Variants in SUSD2 observed in about 807,000 individuals in gnomAD.
The protein encoded by SUSD2 is sushi domain-containing protein 2.
SUSD2 carries 86 observed loss-of-function variants against 93.8 expected under a neutral mutation model. The ratio of observed to expected loss-of-function variants is 0.92; its 90% CI spans 0.77 to 1.10. SUSD2 has a LOEUF of 1.10. Among genes scored for constraint, SUSD2 ranks in the 50% least tolerant of loss-of-function variants. The probability of loss-of-function intolerance (pLI) is 0.00; values close to 1 mark genes in which losing one functional copy is unlikely to be tolerated. For missense variants in SUSD2, 1,060 were observed against 1,137.0 expected (o/e 0.93, Z 0.97); for synonymous variants, 483 against 485.0 (o/e 1.00, Z 0.05).
intron 1 of SUSD2, among the ~76,000 whole-genome samples, chr22:24,182,216 G>A (rs866311195): frequency 1.3e-5 from 2 of 152,228 alleles, no homozygotes; most frequent in African/African-American, 4.8e-5. Context: ...GGAAGGGCCA[G>A]GGAAGTGCAA....
rs2047386453 is a variant in SUSD2 at position 24,188,562 on chromosome 22, C to T, written c.*126C>T. The stretch of plus-strand genomic sequence containing the variant: ...ATACTTGATACCTGGGCATTTAACC[C>T]CCTACTCTGTCATCTCAGACCCCAG... On this transcript the variant is annotated 3_prime_UTR_variant, in exon 15 of 15. Transcript: ENST00000358321. This position sits in a 1 kb window ranked among gnomAD's most constrained non-coding sequence, Gnocchi z 4.7. 1.1e-6 allele frequency: 1 copy of T among 899,064 alleles called. No individual in the cohort carries two copies. The highest frequency in any genetic ancestry group is 2.6e-5 in the East Asian group (1 of 37,768). 55.7% of individuals were successfully genotyped at this position (899,064 alleles called of 1,614,324 possible). A position where few individuals can be genotyped will look rare whatever the true frequency, so the allele number is the denominator to read the frequency against.
At position 24,188,631 on chromosome 22, in the gene SUSD2, C is replaced by T. The variant is rs917359100; in HGVS notation, c.*195C>T. ...CAACACCCAAGCCCCGTGCTAGCAG[C>T]GCTCCGTGCTCTTCCCCAAATACTC... On this transcript the variant is annotated 3_prime_UTR_variant, in exon 15 of 15. Coordinates refer to ENST00000358321, the MANE Select transcript of SUSD2 (RefSeq NM_019601.4). This position sits in a 1 kb window ranked among gnomAD's most constrained non-coding sequence, Gnocchi z 4.7. The T allele has an allele frequency of 4.4e-5, 26 of 589,206 alleles. No homozygotes were observed. The highest frequency in any genetic ancestry group is 1.3e-4 in the African/African-American group (7 of 53,680). 36.5% of individuals were successfully genotyped at this position (589,206 alleles called of 1,614,324 possible). A position where few individuals can be genotyped will look rare whatever the true frequency, so the allele number is the denominator to read the frequency against.
chr22:24,182,221 G>C (rs1459440039), intron 1 of SUSD2, among the ~76,000 whole-genome samples: 1 of 152,254 alleles, frequency 6.6e-6, no homozygotes, highest in African/African-American at 2.4e-5. Flanking sequence ...GGCCAGGGAA[G>C]TGCAATTCCA....
At chr22:24,182,073 G>A (rs567830682) in intron 1 of SUSD2, among the ~76,000 whole-genome samples, 18 of 152,128 alleles carry the variant, frequency 1.2e-4, no homozygotes, top group East Asian at 7.8e-4. Context: ...ACCCCTGTGC[G>A]CCACCAAATC....
At position 24,182,651 on chromosome 22, in the gene SUSD2, C is replaced by T. The variant is rs567449936; in HGVS notation, c.77-406C>T. The T allele has an allele frequency of 2.6e-3, 542 of 204,566 alleles. 1 individual carries two copies. Among genetic ancestry groups the T allele is most frequent in the African/African-American group, 0.011 (463 of 43,158 alleles). 12.7% of individuals were successfully genotyped at this position (204,566 alleles called of 1,614,324 possible). Reference sequence around the variant, plus strand: ...TCAGGGCCCCCAGAAGGCGTGCTGACCACAGACACCCTGGGGAGCCAAGAG... The same window carrying T: ...TCAGGGCCCCCAGAAGGCGTGCTGATCACAGACACCCTGGGGAGCCAAGAG... On this transcript the variant is annotated intron_variant, in intron 1 of 14. Coordinates refer to ENST00000358321, the MANE Select transcript of SUSD2 (RefSeq NM_019601.4).
intron 10 of SUSD2, 126 bp downstream of exon 10, chr22:24,186,541 G>T: frequency 8.3e-7 from 1 of 1,199,568 alleles, no homozygotes; most frequent in East Asian, 2.5e-5. Context: ...TGGGTGGTCC[G>T]ACCTCAGGCC....
rs1183329407 is a variant in SUSD2 at position 24,185,182 on chromosome 22, A to G, written c.871A>G (p.Thr291Ala). The G allele has an allele frequency of 3.7e-6, 6 of 1,612,118 alleles. No homozygotes were observed. Among genetic ancestry groups the G allele is most frequent in the Non-Finnish European group, 5.1e-6 (6 of 1,179,794 alleles). ...AGAGGACCCTGTGGCCTGGGCACGAACTCAGTGCCAGGCCTGGGAGGAGCT... is the reference window on the plus strand; with the variant it reads ...AGAGGACCCTGTGGCCTGGGCACGAGCTCAGTGCCAGGCCTGGGAGGAGCT... ...FREDPVAWAR[T>A]QCQAWEELED... is the part of the protein sequence containing the mutation. Residue 291 changes from threonine to alanine, a missense_variant, in exon 6 of 15, where the codon ACT (threonine) becomes GCT (alanine). Transcript: ENST00000358321.
chr22:24,186,330 G>C lies in SUSD2; in HGVS notation c.1557G>C (p.Arg519Ser). 1 of 1,613,980 alleles carries C rather than the reference G, an allele frequency of 6.2e-7. No homozygotes were observed. The highest frequency in any genetic ancestry group is 1.1e-5 in the South Asian group (1 of 91,086). The change falls in exon 10 of 15, where the codon AGG becomes AGC. Residue 519 changes from arginine (R) to serine (S), a missense_variant. Arg to Ser is a moderately radical substitution (Grantham distance 110, BLOSUM62 -1). Coordinates refer to ENST00000358321, the MANE Select transcript of SUSD2 (RefSeq NM_019601.4). ...GCAACTCAGATGTGGTGGAAGTCAGGCTGGCCAACAGGACCGGAGGTCTGG... is the reference window on the plus strand; with the variant it reads ...GCAACTCAGATGTGGTGGAAGTCAGCCTGGCCAACAGGACCGGAGGTCTGG... ...QEGNSDVVEV[R>S]LANRTGGLEV...
rs775078996 is a variant in SUSD2, at chr22:24,183,204, G to T, written c.224G>T (p.Gly75Val). The change falls in exon 2 of 15, where the codon GGC (glycine) becomes GTC (valine). Residue 75 changes from glycine (G) to valine (V), a missense_variant. Around this residue, in one of 2 missense-constraint regions of SUSD2, gnomAD observed 87 missense variants for 131.6 expected, o/e 0.66. Transcript: ENST00000358321. ...CCCTACTCAGGATCCATGATGGGCG[G>T]CAAGGACTTTGTGGTGCGGCACTTC... ...ILPYSGSMMG[G>V]KDFVVRHFKM... is the part of the protein sequence containing the mutation. 30 of 1,613,810 alleles carry T rather than the reference G, an allele frequency of 1.9e-5. No homozygotes were observed. Among genetic ancestry groups the T allele is most frequent in the Non-Finnish European group, 2.5e-5 (30 of 1,179,854 alleles).
chr22:24,188,041 C>A lies in SUSD2; in HGVS notation c.2247C>A (p.Phe749Leu), dbSNP rs1380208367. 6.2e-7 allele frequency: 1 copy of A among 1,613,158 alleles called. No homozygotes were observed. Among genetic ancestry groups the A allele is most frequent in the Non-Finnish European group, 8.5e-7 (1 of 1,180,012 alleles). ...ACCTGGCGGGTTCCACCATCTACTT[C>A]CACTGTGACAACGGCTACAGCCTGG... Reference protein sequence around the residue: ...NRYLAGSTIYFHCDNGYSLAG... With the variant: ...NRYLAGSTIYLHCDNGYSLAG... The change falls in exon 13 of 15, where the codon TTC becomes TTA. Residue 749 changes from phenylalanine to leucine, a missense_variant. Around this residue, in one of 2 missense-constraint regions of SUSD2, gnomAD observed 973 missense variants for 1,005.3 expected, o/e 0.97. Coordinates refer to ENST00000358321, the MANE Select transcript of SUSD2 (RefSeq NM_019601.4). This position sits in a 1 kb window ranked among gnomAD's most constrained non-coding sequence, Gnocchi z 4.7.
In SUSD2 at chr22:24,186,467, T is replaced by G. The variant is rs772609418; in HGVS notation, c.1642+52T>G. The G allele has an allele frequency of 1.9e-6, 3 of 1,590,234 alleles. No individual in the cohort carries two copies. The African/African-American group carries it at 4.0e-5, about 21-fold the overall frequency. ...CGGGCTGCCCTCACCTCCTCCCCAT[T>G]CCTGCAGGGAGACTGAGGGGAAGCC... On this transcript the variant is annotated intron_variant, in intron 10 of 14. Coordinates refer to ENST00000358321, the MANE Select transcript of SUSD2 (RefSeq NM_019601.4).
At chr22:24,183,332 T>C in intron 2 of SUSD2, 65 bp downstream of exon 2, 1 of 1,559,842 alleles carries the variant, frequency 6.4e-7, no homozygotes. Context: ...TGCTGAGGGC[T>C]CAGACCCACT....
In SUSD2 at chr22:24,187,409, C is replaced by T; in HGVS notation, c.1850C>T (p.Pro617Leu). 6.2e-7 allele frequency: 1 copy of T among 1,613,722 alleles called. No individual in the cohort carries two copies. The highest frequency in any genetic ancestry group is 8.5e-7 in the Non-Finnish European group (1 of 1,180,020). ...CTGCACAGCGGGCGCGTCCTGCCCC[C>T]AGGCACCAGTCCCCAGGAGCTGTTC... Reference protein sequence around the residue: ...FTLHSGRVLPPGTSPQELFLF... With the variant: ...FTLHSGRVLPLGTSPQELFLF... Residue 617 changes from proline (P) to leucine (L), a missense_variant, in exon 11 of 15, where the codon CCA becomes CTA. Transcript: ENST00000358321.
At chr22:24,182,576 C>A in intron 1 of SUSD2, 1 of 176,794 alleles carries the variant, frequency 5.7e-6, no homozygotes. Context: ...TCTTGGCAGC[C>A]ATATCCCCCA....
chr22:24,187,189 C>G lies in SUSD2; in HGVS notation c.1643-13C>G, dbSNP rs2047372575. On this transcript the variant is annotated splice_polypyrimidine_tract_variant and intron_variant, in intron 10 of 14. Coordinates refer to ENST00000358321, the MANE Select transcript of SUSD2 (RefSeq NM_019601.4). ...CACAGCGGGTGACCCTAATGCATCCCCCTTGAGCCCAGGAATGTTCCTGTC... is the reference window on the plus strand; with the variant it reads ...CACAGCGGGTGACCCTAATGCATCCGCCTTGAGCCCAGGAATGTTCCTGTC... The G allele has an allele frequency of 6.2e-7, 1 of 1,609,978 alleles. No individual in the cohort carries two copies. Among genetic ancestry groups the G allele is most frequent in the Non-Finnish European group, 8.5e-7 (1 of 1,179,504 alleles).
rs2047363660 is a variant in SUSD2, at chr22:24,186,037, A to G, written c.1361A>G (p.His454Arg). 6.2e-7 allele frequency: 1 copy of G among 1,611,074 alleles called. No individual in the cohort carries two copies. Among genetic ancestry groups the G allele is most frequent in the Non-Finnish European group, 8.5e-7 (1 of 1,178,640 alleles). ...PRLASAFGDP[H>R]FVTFDGTNFT... ...CTAGCCTCCGCCTTCGGAGACCCAC[A>G]CTTTGTGACCTTCGACGGCACCAAC... The change falls in exon 9 of 15, where the codon CAC becomes CGC. Residue 454 changes from histidine to arginine, a missense_variant. Physicochemically the swap from His to Arg is conservative, Grantham distance 29. This residue lies in a region of SUSD2 where 973 missense variants were observed against 1,005.3 expected (regional missense o/e 0.97). Transcript: ENST00000358321.
In SUSD2 at chr22:24,185,584, G is replaced by T; in HGVS notation, c.1070+13G>T. 1.9e-6 allele frequency: 3 copies of T among 1,595,818 alleles called. No individual in the cohort carries two copies. The highest frequency in any genetic ancestry group is 2.6e-6 in the Non-Finnish European group (3 of 1,171,798). On this transcript the variant is annotated intron_variant, in intron 7 of 14. Coordinates refer to ENST00000358321, the MANE Select transcript of SUSD2 (RefSeq NM_019601.4). ...CTGTGCAGGCCAGGTGAGCCCCCAGGCTGGGGCCGGTATGGGGATTGGGGT... is the reference window on the plus strand; with the variant it reads ...CTGTGCAGGCCAGGTGAGCCCCCAGTCTGGGGCCGGTATGGGGATTGGGGT...
intron 1 of SUSD2, chr22:24,182,791 G>A (rs2047332758): frequency 4.2e-6 from 2 of 477,708 alleles, no homozygotes; most frequent in Non-Finnish European, 3.8e-6. Context: ...GCAGGGCTGA[G>A]CGGATGCAGC....
intron 1 of SUSD2, 67 bp downstream of exon 1, chr22:24,181,662 A>AGCCCAGAGGGATGT: frequency 1.5e-6 from 2 of 1,294,774 alleles, no homozygotes; most frequent in Non-Finnish European, 2.1e-6. Context: ...GCCTGGGCTG[A>AGCCCAGAGGGATGT]CATCCCTCTG....
Sources: gnomAD v4.1 joint callset for allele counts (sites outside exome capture counted in the v4.1 genomes callset) on GRCh38, gnomAD v4.1.1 for gene constraint, gnomAD v4.1.1 regional missense constraint, Gnocchi (gnomAD v3.1) non-coding constraint, MANE v1.5 for transcripts, NCBI Gene and HGNC (gene_info 2026-07-23, HGNC 2026-07-21) for gene names.